Variants in CLMN observed in about 807,000 individuals in gnomAD.
The protein encoded by CLMN is calmin (calponin-like, transmembrane).
In CLMN, 57 loss-of-function variants were observed where a neutral mutation model predicts 92.7. The observed-to-expected ratio is 0.61, with a 90% CI of 0.50 to 0.77. The LOEUF is 0.77. CLMN is among the 30% of genes least tolerant of loss of function. CLMN has a pLI of 0.00. For missense variants in CLMN, 1,158 were observed against 1,237.5 expected, an observed-to-expected ratio of 0.94 and a Z score of 0.96; for synonymous variants, 466 against 470.6, an observed-to-expected ratio of 0.99 and a Z score of 0.13.
At chr14:95,248,432 C>A (rs1435165523) in intron 1 of CLMN, among the ~76,000 whole-genome samples, 1 of 152,146 alleles carries the variant, frequency 6.6e-6, no homozygotes, top group East Asian at 1.9e-4. Flanking sequence ...GGTTACCCAT[C>A]GAAGAAATGA....
chr14:95,278,714 T>C (rs977146774), intron 1 of CLMN, among the ~76,000 whole-genome samples: 2 of 152,204 alleles, frequency 1.3e-5, no homozygotes, highest in Admixed American at 6.5e-5. Context: ...GGATGGCTAA[T>C]GGCAGTAATG....
intron 1 of CLMN, among the ~76,000 whole-genome samples, chr14:95,245,178 A>ATATATATATATATATATAT (rs1898419016): frequency 5.5e-5 from 2 of 36,362 alleles, no homozygotes; most frequent in African/African-American, 2.4e-4. Context: ...GTTATATTAT[A>ATATATATATATATATATAT]TATATATATA....
chr14:95,269,943 A>G (rs1899640099), intron 1 of CLMN, among the ~76,000 whole-genome samples: 1 of 150,896 alleles, frequency 6.6e-6, no homozygotes, highest in Non-Finnish European at 1.5e-5. Context: ...ACTTCATGAG[A>G]GAGAAAATTA....
intron 1 of CLMN, among the ~76,000 whole-genome samples, chr14:95,245,241 TA>T (rs1566891256): frequency 3.0e-5 from 1 of 33,678 alleles, no homozygotes; most frequent in Non-Finnish European, 4.5e-5. Context: ...ATATATATTA[TA>T]TATATATATA....
chr14:95,229,507 T>C (rs999126457), intron 2 of CLMN, among the ~76,000 whole-genome samples: 2 of 152,138 alleles, frequency 1.3e-5, no homozygotes, highest in African/African-American at 4.8e-5. Flanking sequence ...ACATTATGTC[T>C]CCGTGCCTCT....
In CLMN at chr14:95,204,335, A is replaced by C. The variant is rs1384886217; in HGVS notation, c.1014T>G (p.Val338=). The change falls in exon 9 of 13, where the codon GTT becomes GTG. Residue 338 remains valine, a synonymous_variant. Coordinates refer to ENST00000298912, the MANE Select transcript of CLMN (RefSeq NM_024734.4). ...GTGGTGGGTGGCTGGTTTCATGGTT[A>C]ACAGTGTAGGTACGCTCCCCATTTT... ...LTENGERTYT[V]NHETSHPPPS... is the part of the protein sequence containing the mutation. 1.8e-5 allele frequency: 29 copies of C among 1,614,024 alleles called. No homozygotes were observed. Among genetic ancestry groups the C allele is most frequent in the Non-Finnish European group, 2.5e-5 (29 of 1,180,030 alleles).
Position 95,223,819 on chromosome 14 carries a change from C to G in CLMN, c.181G>C (p.Asp61His). The G allele has an allele frequency of 6.2e-7, 1 of 1,613,462 alleles. No individual in the cohort carries two copies. The highest frequency in any genetic ancestry group is 2.2e-5 in the East Asian group (1 of 44,874). The change falls in exon 3 of 13, where the codon GAT becomes CAT. Residue 61 changes from aspartate to histidine, a missense_variant. Asp to His is a moderately conservative substitution (Grantham distance 81). Coordinates refer to ENST00000298912, the MANE Select transcript of CLMN (RefSeq NM_024734.4). ...PPLEVKDLFV[D>H]IQDGKILMAL... ...ATTAGGATTTTGCCATCTTGTATAT[C>G]GACGAATAAATCTTTAACTTCTAGA...
Position 95,194,435 on chromosome 14 carries a change from G to A in CLMN, c.2769+101C>T, listed in dbSNP as rs557568054. 2.8e-5 allele frequency: 45 copies of A among 1,593,154 alleles called. No homozygotes were observed. The highest frequency in any genetic ancestry group is 2.8e-4 in the South Asian group (25 of 88,514). On this transcript the variant is annotated intron_variant, in intron 11 of 12. Coordinates refer to ENST00000298912, the MANE Select transcript of CLMN (RefSeq NM_024734.4). This position sits in a 1 kb window ranked among gnomAD's most constrained non-coding sequence, Gnocchi z 4.0. ...TCTTCTATCCAAAAGTATAGCTGTT[G>A]CATGCCAGTAATTTCAAAGCTCTGG...
chr14:95,281,713 T>C (rs1045347147), intron 1 of CLMN, among the ~76,000 whole-genome samples: 51 of 152,368 alleles, frequency 3.3e-4, no homozygotes, highest in African/African-American at 1.2e-3. Flanking sequence ...GTTTAGTCAC[T>C]TGGGGTAATA....
chr14:95,245,259 AT>A (rs1566891393), intron 1 of CLMN, among the ~76,000 whole-genome samples: 11 of 41,744 alleles, frequency 2.6e-4, no homozygotes, highest in African/African-American at 1.4e-3. Context: ...TATATAATAT[AT>A]ATATATATAT....
intron 1 of CLMN, among the ~76,000 whole-genome samples, chr14:95,275,530 G>C (rs1381411464): frequency 6.6e-6 from 1 of 152,170 alleles, no homozygotes; most frequent in Non-Finnish European, 1.5e-5. Context: ...CTCAGTTCCA[G>C]AAACTGCCCA....
rs1481841230 is a variant in CLMN at position 95,286,697 on chromosome 14, AAATT to A, written c.82+33010_82+33013del. 2.0e-5 allele frequency among the ~76,000 whole-genome samples: 3 copies of A among 152,362 alleles called. No individual in the cohort carries two copies. In the East Asian group the frequency reaches 5.8e-4, roughly 29 times the overall value. ...GTCATTTTACCCCCAAAAAATTATA[AAATT>A]AATGGGAGTTGAAGACATAAAGACC... is the stretch of plus-strand genomic sequence containing the variant. On this transcript the variant is annotated intron_variant, in intron 1 of 12. Transcript: ENST00000298912.
intron 1 of CLMN, among the ~76,000 whole-genome samples, chr14:95,264,203 CTAATTTTTG>C (rs1566902964): frequency 6.6e-6 from 1 of 151,914 alleles, no homozygotes; most frequent in Non-Finnish European, 1.5e-5. Flanking sequence ...ATATGCCTGG[CTAATTTTTG>C]TAATTTTTGT....
chr14:95,211,030 G>A (rs1897184008), intron 6 of CLMN, 151 bp from the exon 7 acceptor site: 1 of 687,540 alleles, frequency 1.5e-6, no homozygotes, highest in Middle Eastern at 4.1e-4. Flanking sequence ...GAGCATGGGA[G>A]AGCTGCCCTG....
chr14:95,279,162 A>G (rs1195162008), intron 1 of CLMN, among the ~76,000 whole-genome samples: 2 of 152,232 alleles, frequency 1.3e-5, no homozygotes, highest in Non-Finnish European at 2.9e-5. Flanking sequence ...AGAAAAATAA[A>G]AACTTTAATA....
rs190059576 is a variant in CLMN, at chr14:95,279,580, G to A, written c.82+40131C>T. Among the ~76,000 whole-genome samples the A allele has an allele frequency of 7.8e-4, 119 of 152,296 alleles. 1 individual carries two copies. The highest frequency in any genetic ancestry group is 2.8e-3 in the African/African-American group (118 of 41,554). On this transcript the variant is annotated intron_variant, in intron 1 of 12. Coordinates refer to ENST00000298912, the MANE Select transcript of CLMN (RefSeq NM_024734.4). The stretch of plus-strand genomic sequence containing the variant: ...GGGCGGATCATGAGGTCAGGAGATC[G>A]AGACCATCCTGGCTAACACGGTGAA...
intron 1 of CLMN, among the ~76,000 whole-genome samples, chr14:95,242,088 A>T (rs1029989630): frequency 6.6e-6 from 1 of 151,154 alleles, no homozygotes; most frequent in Non-Finnish European, 1.5e-5. Flanking sequence ...ATCTTAAAAA[A>T]CCCACTTGGA....
At chr14:95,244,571 G>A (rs994664706) in intron 1 of CLMN, among the ~76,000 whole-genome samples, 2 of 152,162 alleles carry the variant, frequency 1.3e-5, no homozygotes, top group Admixed American at 6.5e-5. Context: ...ATTCTGACAG[G>A]GAAGTCTTGA....
At chr14:95,300,746 C>T (rs765981103) in intron 1 of CLMN, among the ~76,000 whole-genome samples, 1 of 152,242 alleles carries the variant, frequency 6.6e-6, no homozygotes, top group Non-Finnish European at 1.5e-5. Flanking sequence ...TTGTTAGATA[C>T]TCTCCCTGTA....
Sources: gnomAD v4.1 joint callset for allele counts (sites outside exome capture counted in the v4.1 genomes callset) on GRCh38, gnomAD v4.1.1 for gene constraint, Gnocchi (gnomAD v3.1) non-coding constraint, MANE v1.5 for transcripts, NCBI Gene and HGNC (gene_info 2026-07-23, HGNC 2026-07-21) for gene names.